The following LRBA variants were observed in gnomAD, a reference collection of about 807,000 sequenced individuals.
LRBA encodes the protein LPS responsive beige-like anchor protein.
LRBA carries 176 observed loss-of-function variants against 330.0 expected under a neutral mutation model. That is an observed-to-expected ratio of 0.53 (90% CI 0.47 to 0.60). The LOEUF (loss-of-function observed/expected upper bound fraction) is 0.60. Ranked by LOEUF, LRBA falls within the 20% of genes least tolerant of loss-of-function variation. The pLI, the probability that LRBA is intolerant of heterozygous loss-of-function variation, is 0.00. For missense variants in LRBA, 3,259 were observed against 3,444.8 expected, an observed-to-expected ratio of 0.95 and a Z score of 1.35; for synonymous variants, 1,230 against 1,193.0, an observed-to-expected ratio of 1.03 and a Z score of -0.64.
intron 31 of LRBA, among the ~76,000 whole-genome samples, chr4:150,812,760 G>A (rs1256712362): frequency 6.6e-6 from 1 of 152,044 alleles, no homozygotes; most frequent in Non-Finnish European, 1.5e-5. Context: ...ACTAAATTTT[G>A]CAAAATAGCA....
chr4:150,622,171 CCT>C (rs1470960033), intron 37 of LRBA, among the ~76,000 whole-genome samples: 1 of 152,088 alleles, frequency 6.6e-6, no homozygotes, highest in African/African-American at 2.4e-5. Context: ...AATGCAATGG[CCT>C]GTTTAGAATA....
At chr4:150,577,363 G>A (rs1253826447) in intron 40 of LRBA, among the ~76,000 whole-genome samples, 1 of 151,078 alleles carries the variant, frequency 6.6e-6, no homozygotes, top group Non-Finnish European at 1.5e-5. Flanking sequence ...GAACTTAATA[G>A]TGTTTTATTT....
At chr4:150,520,390 A>AT (rs200606360) in intron 40 of LRBA, among the ~76,000 whole-genome samples, 86 of 151,222 alleles carry the variant, frequency 5.7e-4, no homozygotes, top group African/African-American at 1.7e-3. Flanking sequence ...TTTAGGTTTT[A>AT]TTTTTTTTTC....
At chr4:150,733,287 A>G (rs1000229170) in intron 36 of LRBA, among the ~76,000 whole-genome samples, 1 of 152,078 alleles carries the variant, frequency 6.6e-6, no homozygotes, top group African/African-American at 2.4e-5. Flanking sequence ...CATCCTGCCA[A>G]TGTTAATTTT....
At chr4:150,658,403 ATGCCTTCCTGATTGGCTGTTATC>A (rs1780434860) in intron 37 of LRBA, among the ~76,000 whole-genome samples, 1 of 150,756 alleles carries the variant, frequency 6.6e-6, no homozygotes, top group Non-Finnish European at 1.5e-5. Flanking sequence ...TTAGATAAAT[ATGCCTTCCTGATTGGCTGTTATC>A]AAGTTATCAT....
chr4:150,902,075 C>T (rs186916351), intron 13 of LRBA, among the ~76,000 whole-genome samples: 300 of 151,914 alleles, frequency 2.0e-3, no homozygotes, highest in Middle Eastern at 0.01. Flanking sequence ...AATATGCCTA[C>T]CAAAACATGA....
intron 44 of LRBA, among the ~76,000 whole-genome samples, chr4:150,461,556 A>G (rs1754779092): frequency 6.6e-6 from 1 of 151,714 alleles, no homozygotes; most frequent in Admixed American, 6.6e-5. Context: ...AAAAACAATA[A>G]TGTTACCTAC....
chr4:150,409,116 A>G (rs969256525), intron 47 of LRBA, among the ~76,000 whole-genome samples: 5 of 152,012 alleles, frequency 3.3e-5, no homozygotes, highest in African/African-American at 1.2e-4. Flanking sequence ...TCTAATATGA[A>G]TGGTGTCCTT....
chr4:150,416,401 A>C (rs1747758422), intron 46 of LRBA, among the ~76,000 whole-genome samples: 1 of 152,220 alleles, frequency 6.6e-6, no homozygotes, highest in Non-Finnish European at 1.5e-5. Flanking sequence ...TAGGGAGGTC[A>C]TCAGATTTTG....
chr4:150,862,495 C>T (rs927766346), intron 22 of LRBA, among the ~76,000 whole-genome samples: 1 of 151,890 alleles, frequency 6.6e-6, no homozygotes, highest in Non-Finnish European at 1.5e-5. Context: ...CACTTGGACA[C>T]AGGAAAGGGA....
At chr4:150,935,464 A>AT (rs1734998018) in intron 2 of LRBA, among the ~76,000 whole-genome samples, 1 of 152,064 alleles carries the variant, frequency 6.6e-6, no homozygotes, top group Non-Finnish European at 1.5e-5. Context: ...AAGTAAAGAA[A>AT]TTTTTTTCCA....
chr4:150,486,791 C>T lies in LRBA; in HGVS notation c.6551+941G>A, dbSNP rs538957106. 2.6e-5 allele frequency among the ~76,000 whole-genome samples: 4 copies of T among 151,874 alleles called. No individual in the cohort carries two copies. In the East Asian group the frequency reaches 7.7e-4, roughly 29 times the overall value. On this transcript the variant is annotated intron_variant, in intron 42 of 56. Coordinates refer to ENST00000651943, the MANE Select transcript of LRBA (RefSeq NM_001364905.1). The stretch of plus-strand genomic sequence containing the variant: ...ATCCTTTGACCAACATCTCCCCAGT[C>T]ACCCCACCCCTAACCTCTACCCTTG...
intron 2 of LRBA, among the ~76,000 whole-genome samples, chr4:150,983,329 C>T (rs1741062643): frequency 6.6e-6 from 1 of 151,984 alleles, no homozygotes; most frequent in Non-Finnish European, 1.5e-5. Context: ...ATGGAACATG[C>T]CTGTAGTCCC....
At chr4:150,937,127 T>C (rs1735157012) in intron 2 of LRBA, among the ~76,000 whole-genome samples, 1 of 152,092 alleles carries the variant, frequency 6.6e-6, no homozygotes, top group Admixed American at 6.5e-5. Context: ...TATTCCTCCA[T>C]TGCTTTAAAT....
chr4:150,990,566 A>G (rs1444819049), intron 2 of LRBA, among the ~76,000 whole-genome samples: 1 of 152,114 alleles, frequency 6.6e-6, no homozygotes, highest in African/African-American at 2.4e-5. Flanking sequence ...CGTCTCTACA[A>G]AAAAAAACAA....
At chr4:150,378,693 T>C (rs2151883125) in intron 47 of LRBA, among the ~76,000 whole-genome samples, 1 of 152,264 alleles carries the variant, frequency 6.6e-6, no homozygotes, top group South Asian at 2.1e-4. Context: ...ACAGAACTCA[T>C]AGCTACCATC....
At chr4:150,892,480 C>A (rs1053717565) in intron 17 of LRBA, among the ~76,000 whole-genome samples, 1 of 152,164 alleles carries the variant, frequency 6.6e-6, no homozygotes, top group African/African-American at 2.4e-5. Context: ...GACAACACAG[C>A]AAGGAAGAGG....
chr4:150,682,794 T>C (rs1403690292), intron 37 of LRBA, among the ~76,000 whole-genome samples: 1 of 152,128 alleles, frequency 6.6e-6, no homozygotes, highest in Non-Finnish European at 1.5e-5. Context: ...AATTAGAAAT[T>C]AAAATATAAT....
At position 150,462,770 on chromosome 4, in the gene LRBA, T is replaced by G. The variant is rs371134179; in HGVS notation, c.6780+4903A>C. On this transcript the variant is annotated intron_variant, in intron 44 of 56. Coordinates refer to ENST00000651943, the MANE Select transcript of LRBA (RefSeq NM_001364905.1). ...CTTAAGAACGGAGATAAGATCTGTTTGTATTCTACATTAAGCTATGCATAC... is the reference window on the plus strand; with the variant it reads ...CTTAAGAACGGAGATAAGATCTGTTGGTATTCTACATTAAGCTATGCATAC... 2.9e-4 allele frequency among the ~76,000 whole-genome samples: 44 copies of G among 151,912 alleles called. 1 individual carries two copies. Among genetic ancestry groups the G allele is most frequent in the East Asian group, 1.5e-3 (8 of 5,190 alleles).
Sources: allele counts gnomAD v4.1 joint callset (sites outside exome capture counted in the v4.1 genomes callset), GRCh38; gene constraint gnomAD v4.1.1; transcripts MANE v1.5; gene names NCBI Gene and HGNC (gene_info 2026-07-23, HGNC 2026-07-21).